Variants in DIS3L2 observed in about 807,000 individuals in gnomAD.
DIS3L2 encodes DIS3 like 3'-5' exoribonuclease 2.
Under a neutral mutation model 97.5 loss-of-function variants are expected in DIS3L2, and 34 were observed. The observed-to-expected ratio is 0.35, with a 90% CI of 0.27 to 0.46. The LOEUF is 0.46. Among genes scored for constraint, DIS3L2 ranks in the 20% least tolerant of loss-of-function variants. The pLI is 1.00. For missense variants in DIS3L2, 1,038 were observed against 1,146.0 expected, an observed-to-expected ratio of 0.91 and a Z score of 1.36; for synonymous variants, 435 against 445.2, an observed-to-expected ratio of 0.98 and a Z score of 0.29.
intron 1 of DIS3L2, among the ~76,000 whole-genome samples, chr2:231,971,074 A>G (rs1692891762): frequency 6.6e-6 from 1 of 152,150 alleles, no homozygotes; most frequent in African/African-American, 2.4e-5. Context: ...ACATGCATGG[A>G]GCTGTCATCT....
chr2:231,985,596 TAG>T (rs1162521761), intron 1 of DIS3L2, among the ~76,000 whole-genome samples: 11 of 152,218 alleles, frequency 7.2e-5, no homozygotes, highest in East Asian at 3.8e-4. Context: ...ACCCTTTACT[TAG>T]ACTCATCTGT....
At chr2:232,237,443 G>A (rs1692962813) in intron 10 of DIS3L2, among the ~76,000 whole-genome samples, 1 of 152,196 alleles carries the variant, frequency 6.6e-6, no homozygotes, top group Non-Finnish European at 1.5e-5. Flanking sequence ...CATTCAACAA[G>A]TACTTCTTGA....
chr2:232,243,190 G>C (rs1693152226), intron 11 of DIS3L2, among the ~76,000 whole-genome samples: 1 of 152,184 alleles, frequency 6.6e-6, no homozygotes, highest in Non-Finnish European at 1.5e-5. Context: ...TTCACATTTT[G>C]AGTAGAAAAT....
At chr2:232,334,283 G>T in intron 17 of DIS3L2, 86 bp from the exon 18 acceptor site, 2 of 1,492,362 alleles carry the variant, frequency 1.3e-6, no homozygotes, top group South Asian at 1.2e-5. Flanking sequence ...GTCGGCGGGG[G>T]TGCAGCGCCA....
intron 1 of DIS3L2, among the ~76,000 whole-genome samples, chr2:231,974,074 C>T (rs1474341293): frequency 6.6e-6 from 1 of 151,958 alleles, no homozygotes; most frequent in Non-Finnish European, 1.5e-5. Context: ...TAACCTTTTT[C>T]CTTTCATATG....
chr2:232,296,467 C>G (rs960025535), intron 13 of DIS3L2, among the ~76,000 whole-genome samples: 2 of 152,210 alleles, frequency 1.3e-5, no homozygotes, highest in Admixed American at 6.5e-5. Flanking sequence ...TGTCCCCACT[C>G]AAATCTCACC....
At chr2:232,201,725 T>C (rs1456769293) in intron 9 of DIS3L2, among the ~76,000 whole-genome samples, 1 of 152,132 alleles carries the variant, frequency 6.6e-6, no homozygotes, top group Admixed American at 6.5e-5. Context: ...TTTTGGACAA[T>C]GCATGTTAAA....
At chr2:232,160,187 G>A (rs1305501003) in intron 8 of DIS3L2, among the ~76,000 whole-genome samples, 1 of 152,236 alleles carries the variant, frequency 6.6e-6, no homozygotes, top group Non-Finnish European at 1.5e-5. Context: ...TGTAGAATTG[G>A]CAATAATTCT....
intron 14 of DIS3L2, among the ~76,000 whole-genome samples, chr2:232,315,786 CT>C (rs2106334514): frequency 6.6e-6 from 1 of 152,316 alleles, no homozygotes; most frequent in African/African-American, 2.4e-5. Context: ...CTCATGCCCA[CT>C]GAATTAAGCA....
intron 8 of DIS3L2, among the ~76,000 whole-genome samples, chr2:232,162,574 T>C (rs1170770066): frequency 1.3e-5 from 2 of 152,226 alleles, no homozygotes; most frequent in African/African-American, 4.8e-5. Flanking sequence ...CCTGATGCCA[T>C]AGCTAAATTT....
At chr2:232,086,364 TATGTA>T (rs1310452033) in intron 5 of DIS3L2, among the ~76,000 whole-genome samples, 1 of 7,526 alleles carries the variant, frequency 1.3e-4, no homozygotes, top group African/African-American at 1.3e-3. Context: ...TATATGTGTA[TATGTA>T]TATGTATATG....
intron 3 of DIS3L2, among the ~76,000 whole-genome samples, chr2:232,024,035 T>G (rs1694589961): frequency 6.6e-6 from 1 of 152,164 alleles, no homozygotes; most frequent in African/African-American, 2.4e-5. Context: ...AGCTCTGTTG[T>G]TCCTTACCTT....
At chr2:232,302,245 G>A (rs1243384057) in intron 14 of DIS3L2, among the ~76,000 whole-genome samples, 3 of 152,076 alleles carry the variant, frequency 2.0e-5, no homozygotes, top group South Asian at 2.1e-4. Flanking sequence ...AGTGGAGTGG[G>A]GGGAGTGGGG....
intron 6 of DIS3L2, among the ~76,000 whole-genome samples, chr2:232,109,367 G>A (rs575960336): frequency 6.6e-6 from 1 of 152,088 alleles, no homozygotes; most frequent in Non-Finnish European, 1.5e-5. Flanking sequence ...CTTGAACCAG[G>A]GAGGCAGAGG....
intron 10 of DIS3L2, among the ~76,000 whole-genome samples, chr2:232,228,634 G>A (rs1000517199): frequency 6.6e-6 from 1 of 152,118 alleles, no homozygotes; most frequent in East Asian, 1.9e-4. Flanking sequence ...CAATAAGCTG[G>A]CATCAATTTA....
chr2:231,966,896 C>T (rs1008307510), intron 1 of DIS3L2, among the ~76,000 whole-genome samples: 2 of 151,782 alleles, frequency 1.3e-5, no homozygotes, highest in Non-Finnish European at 1.5e-5. Context: ...AAGGGTTTTT[C>T]GTATAGAAGG....
intron 6 of DIS3L2, among the ~76,000 whole-genome samples, chr2:232,094,779 T>G (rs1696955532): frequency 6.6e-6 from 1 of 151,632 alleles, no homozygotes; most frequent in Admixed American, 6.6e-5. Flanking sequence ...TATTGGGGTC[T>G]ATCTCTCTCT....
intron 6 of DIS3L2, among the ~76,000 whole-genome samples, chr2:232,094,756 C>G (rs1035579718): frequency 2.0e-5 from 3 of 151,008 alleles, no homozygotes; most frequent in Non-Finnish European, 2.9e-5. Context: ...AAAGAAAGCT[C>G]CAGCTGTTAT....
chr2:232,065,857 A>G (rs1395072317), intron 5 of DIS3L2, among the ~76,000 whole-genome samples: 2 of 151,802 alleles, frequency 1.3e-5, no homozygotes, highest in African/African-American at 4.8e-5. Flanking sequence ...TGTAGTTTTC[A>G]GTGTATAAGT....
Sources: allele counts gnomAD v4.1 joint callset (sites outside exome capture counted in the v4.1 genomes callset), GRCh38; gene constraint gnomAD v4.1.1; transcripts MANE v1.5; gene names NCBI Gene and HGNC (gene_info 2026-07-23, HGNC 2026-07-21).